The following CCDC170 variants were observed in gnomAD, a reference collection of about 807,000 sequenced individuals.
The protein encoded by CCDC170 is coiled-coil domain-containing protein 170.
In CCDC170, 69 loss-of-function variants were observed where a neutral mutation model predicts 72.6. The observed-to-expected ratio is 0.95, with a 90% CI of 0.78 to 1.16. The LOEUF (loss-of-function observed/expected upper bound fraction) is 1.16. CCDC170 is among the 50% of genes most tolerant of loss of function. The pLI, the probability that CCDC170 is intolerant of heterozygous loss-of-function variation, is 0.00. For missense variants in CCDC170, 852 were observed against 832.5 expected, an observed-to-expected ratio of 1.02 and a Z score of -0.29; for synonymous variants, 300 against 303.9, an observed-to-expected ratio of 0.99 and a Z score of 0.13.
chr6:151,549,498 G>A (rs1392563238), intron 5 of CCDC170, among the ~76,000 whole-genome samples: 2 of 152,138 alleles, frequency 1.3e-5, no homozygotes, highest in East Asian at 1.9e-4. Context: ...AATTCTAAAT[G>A]TACAGGAGTA....
Position 151,620,987 on chromosome 6 carries a change from A to G in CCDC170, c.*2840A>G, listed in dbSNP as rs1294044473. The G allele has an allele frequency of 6.6e-6, 1 of 152,180 alleles. No individual in the cohort carries two copies. The highest frequency in any genetic ancestry group is 1.5e-5 in the Non-Finnish European group (1 of 68,042). 9.4% of individuals were successfully genotyped at this position (152,180 alleles called of 1,614,324 possible). A position where few individuals can be genotyped will look rare whatever the true frequency, so the allele number is the denominator to read the frequency against. ...GTGACTCTAGTGATCTTTAACATAC[A>G]CAGAATGATCTACAGTGATCTTTAA... On this transcript the variant is annotated 3_prime_UTR_variant, in exon 11 of 11. Coordinates refer to ENST00000239374, the MANE Select transcript of CCDC170 (RefSeq NM_025059.4).
Position 151,511,360 on chromosome 6 carries a change from G to A in CCDC170, c.57+17175G>A, listed in dbSNP as rs572318724. 2.8e-4 allele frequency among the ~76,000 whole-genome samples: 42 copies of A among 152,200 alleles called. 2 individuals are homozygous for A. In the South Asian group the frequency reaches 7.9e-3, roughly 29 times the overall value. ...TCAGCCAGGTATTTTTATCTTTGAC[G>A]TGCTAACCCTGTAAAGTGACCAGAG... On this transcript the variant is annotated intron_variant, in intron 1 of 10. Transcript: ENST00000239374.
rs533067451 is a variant in CCDC170, at chr6:151,508,871, C to T, written c.57+14686C>T. Among the ~76,000 whole-genome samples the T allele has an allele frequency of 1.2e-4, 18 of 151,758 alleles. 1 individual carries two copies. The East Asian group carries it at 2.5e-3, about 21-fold the overall frequency. On this transcript the variant is annotated intron_variant, in intron 1 of 10. Coordinates refer to ENST00000239374, the MANE Select transcript of CCDC170 (RefSeq NM_025059.4). ...TCTCTACTGAAAATACAAAATTAGC[C>T]GGGCGTGGTGGCGAACGCCTGTAAT...
chr6:151,536,594 G>C, intron 2 of CCDC170, 148 bp downstream of exon 2: 1 of 802,562 alleles, frequency 1.2e-6, no homozygotes. Context: ...GGCCAACGTA[G>C]TGAAACTCTG....
intron 5 of CCDC170, among the ~76,000 whole-genome samples, chr6:151,565,948 C>T (rs958285): frequency 0.018 from 2,813 of 152,218 alleles, 98 homozygotes; most frequent in African/African-American, 0.064. Context: ...GTCCCTTTTA[C>T]AATTTCCAGA....
At chr6:151,501,516 AG>A (rs1213990562) in intron 1 of CCDC170, among the ~76,000 whole-genome samples, 3 of 152,204 alleles carry the variant, frequency 2.0e-5, no homozygotes, top group Admixed American at 1.3e-4. Context: ...AGAATAAAAA[AG>A]TCTCAATAAA....
chr6:151,527,050 ATTTTTTTTTTTT>A (rs56941290), intron 1 of CCDC170, among the ~76,000 whole-genome samples: 21 of 69,682 alleles, frequency 3.0e-4, no homozygotes, highest in Admixed American at 2.0e-3. Context: ...ATGCTTAGCT[ATTTTTTTTTTTT>A]TTTTTTTTTT....
In CCDC170 at chr6:151,529,077, G is replaced by A. The variant is rs75493707; in HGVS notation, c.58-7241G>A. Among the ~76,000 whole-genome samples the A allele has an allele frequency of 9.7e-4, 147 of 152,142 alleles. 2 individuals are homozygous for A. In the East Asian group the frequency reaches 0.021, roughly 22 times the overall value. On this transcript the variant is annotated intron_variant, in intron 1 of 10. Transcript: ENST00000239374. ...GTAAGTACTGTTATCAGGTGATGGGGATTCTGTAAAATTCTTTTTTTTCTT... is the reference window on the plus strand; with the variant it reads ...GTAAGTACTGTTATCAGGTGATGGGAATTCTGTAAAATTCTTTTTTTTCTT...
Position 151,596,394 on chromosome 6 carries a change from G to A in CCDC170, c.1527G>A (p.Gln509=). 1 of 1,614,124 alleles carries A rather than the reference G, an allele frequency of 6.2e-7. No individual in the cohort carries two copies. Among genetic ancestry groups the A allele is most frequent in the Non-Finnish European group, 8.5e-7 (1 of 1,180,010 alleles). Residue 509 remains glutamine, a synonymous_variant, in exon 9 of 11, where the codon CAG becomes CAA. Transcript: ENST00000239374. ...AATTACACATGAGCCTCCTCCGGCAGAAAATAGCCCAGCTGGAGGAGGAGA... is the reference window on the plus strand; with the variant it reads ...AATTACACATGAGCCTCCTCCGGCAAAAAATAGCCCAGCTGGAGGAGGAGA... ...SKELHMSLLR[Q]KIAQLEEEKQ...
In CCDC170 at chr6:151,573,497, T is replaced by G. The variant is rs1329099665; in HGVS notation, c.1092+6T>G. 6.2e-7 allele frequency: 1 copy of G among 1,611,570 alleles called. No individual in the cohort carries two copies. Among genetic ancestry groups the G allele is most frequent in the Non-Finnish European group, 8.5e-7 (1 of 1,178,680 alleles). On this transcript the variant is annotated splice_donor_region_variant and intron_variant, in intron 6 of 10. Coordinates refer to ENST00000239374, the MANE Select transcript of CCDC170 (RefSeq NM_025059.4). Reference sequence around the variant, plus strand: ...GGGAAGAAAGCAGGGACCGGGTGAGTGGGTCATGGCTGTTTACAGACATCT... The same window carrying G: ...GGGAAGAAAGCAGGGACCGGGTGAGGGGGTCATGGCTGTTTACAGACATCT...
In CCDC170 at chr6:151,499,271, C is replaced by A. The variant is rs1181092453; in HGVS notation, c.57+5086C>A. ...AAGTGGAATCAGACTGTATTTGACTCTTCTAGGCACACTGTATAAGTGGAA... is the reference window on the plus strand; with the variant it reads ...AAGTGGAATCAGACTGTATTTGACTATTCTAGGCACACTGTATAAGTGGAA... On this transcript the variant is annotated intron_variant, in intron 1 of 10. Transcript: ENST00000239374. 2.3e-3 allele frequency among the ~76,000 whole-genome samples: 228 copies of A among 97,042 alleles called. 1 individual carries two copies. The highest frequency in any genetic ancestry group is 3.3e-3 in the African/African-American group (61 of 18,344). The allele number at this position is 97,042 out of a possible 152,430, so 63.7% of individuals were successfully genotyped here. A position where few individuals can be genotyped will look rare whatever the true frequency, so the allele number is the denominator to read the frequency against.
chr6:151,523,814 G>A (rs1401701676), intron 1 of CCDC170, among the ~76,000 whole-genome samples: 1 of 152,142 alleles, frequency 6.6e-6, no homozygotes. Flanking sequence ...GTCAAAATGT[G>A]TACTTGCACA....
chr6:151,603,889 A>G (rs1034194061), intron 9 of CCDC170, among the ~76,000 whole-genome samples: 1 of 152,164 alleles, frequency 6.6e-6, no homozygotes, highest in Non-Finnish European at 1.5e-5. Context: ...GAACTTAGTA[A>G]CTTAGTCCCT....
At chr6:151,599,164 G>A (rs1776667382) in intron 9 of CCDC170, among the ~76,000 whole-genome samples, 1 of 152,126 alleles carries the variant, frequency 6.6e-6, no homozygotes, top group Non-Finnish European at 1.5e-5. Context: ...AACAAAATTT[G>A]GGGCTTTAGA....
At chr6:151,578,064 A>G (rs891387593) in intron 6 of CCDC170, among the ~76,000 whole-genome samples, 1 of 152,054 alleles carries the variant, frequency 6.6e-6, no homozygotes, top group Non-Finnish European at 1.5e-5. Context: ...CCTGCCACCT[A>G]CTAAAGTGAG....
intron 6 of CCDC170, among the ~76,000 whole-genome samples, chr6:151,575,981 T>C (rs1043529157): frequency 1.3e-5 from 2 of 152,172 alleles, no homozygotes; most frequent in Non-Finnish European, 2.9e-5. Context: ...GATTTATAGG[T>C]TTGGAAATAA....
intron 1 of CCDC170, among the ~76,000 whole-genome samples, chr6:151,517,223 T>C (rs1782248145): frequency 6.6e-6 from 1 of 151,934 alleles, no homozygotes; most frequent in South Asian, 2.1e-4. Flanking sequence ...TCCCATCTAC[T>C]CGGGAGGCTG....
At chr6:151,593,428 A>C (rs1464730085) in intron 8 of CCDC170, 148 bp downstream of exon 8, 2 of 859,462 alleles carry the variant, frequency 2.3e-6, no homozygotes, top group African/African-American at 3.4e-5. Flanking sequence ...GCTCAATTTC[A>C]AGTCTGAAGA....
intron 5 of CCDC170, among the ~76,000 whole-genome samples, chr6:151,559,012 C>T (rs375317619): frequency 2.5e-4 from 31 of 125,650 alleles, no homozygotes; most frequent in Admixed American, 4.4e-4. Flanking sequence ...ATTAATTTAT[C>T]TTTTTTTTTT....
Sources: gnomAD v4.1 joint callset for allele counts (sites outside exome capture counted in the v4.1 genomes callset) on GRCh38, gnomAD v4.1.1 for gene constraint, MANE v1.5 for transcripts, NCBI Gene and HGNC (gene_info 2026-07-23, HGNC 2026-07-21) for gene names.